CTNNA2: variants seen among roughly 807,000 people sequenced by gnomAD.
The protein encoded by CTNNA2 is catenin alpha-2.
A neutral mutation model predicts 101.0 loss-of-function variants in CTNNA2; 42 were observed. The ratio of observed to expected loss-of-function variants is 0.42; its 90% confidence interval spans 0.32 to 0.54. CTNNA2 has a LOEUF of 0.54. CTNNA2 is among the 20% of genes least tolerant of loss of function. The pLI, the probability that CTNNA2 is intolerant of heterozygous loss-of-function variation, is 0.14. For missense variants in CTNNA2, 871 were observed against 1,223.1 expected (o/e 0.71, Z 4.29); for synonymous variants, 450 against 456.4 (o/e 0.99, Z 0.18).
chr2:79,586,712 T>C (rs1236247191), intron 1 of CTNNA2, among the ~76,000 whole-genome samples: 1 of 152,098 alleles, frequency 6.6e-6, no homozygotes, highest in Non-Finnish European at 1.5e-5. Context: ...AGACAGGTGG[T>C]TTTTGTTACA....
intron 7 of CTNNA2, among the ~76,000 whole-genome samples, chr2:79,983,619 T>C (rs1347006224): frequency 6.6e-6 from 1 of 152,152 alleles, no homozygotes; most frequent in African/African-American, 2.4e-5. Context: ...TAGAGGCCAG[T>C]GCGTCTTGTG....
intron 7 of CTNNA2, among the ~76,000 whole-genome samples, chr2:80,081,567 A>G (rs906339684): frequency 5.9e-5 from 9 of 151,470 alleles, no homozygotes; most frequent in Middle Eastern, 3.2e-3. Context: ...ACTCCAATGA[A>G]CTTCAGCTTT....
At chr2:80,344,197 A>G (rs1404515478) in intron 7 of CTNNA2, among the ~76,000 whole-genome samples, 2 of 151,238 alleles carry the variant, frequency 1.3e-5, no homozygotes, top group African/African-American at 2.4e-5. Flanking sequence ...CAAGCTCCTG[A>G]TTTTCTCCTC....
chr2:79,891,576 C>T (rs904740429), intron 6 of CTNNA2, among the ~76,000 whole-genome samples: 4 of 152,096 alleles, frequency 2.6e-5, no homozygotes, highest in Non-Finnish European at 4.4e-5. Context: ...GAAGATAACG[C>T]GGTTATCTGC....
At chr2:80,200,807 T>A (rs1402918848) in intron 7 of CTNNA2, among the ~76,000 whole-genome samples, 2 of 151,870 alleles carry the variant, frequency 1.3e-5, no homozygotes, top group Non-Finnish European at 2.9e-5. Context: ...GTGCTGGGAT[T>A]ACAGGCATGA....
At chr2:79,760,379 G>A (rs1672709639) in intron 3 of CTNNA2, among the ~76,000 whole-genome samples, 1 of 152,016 alleles carries the variant, frequency 6.6e-6, no homozygotes, top group African/African-American at 2.4e-5. Flanking sequence ...ATATATGTGT[G>A]TATTTTAAGG....
chr2:79,705,818 G>C (rs1430435785), intron 2 of CTNNA2, among the ~76,000 whole-genome samples: 1 of 152,170 alleles, frequency 6.6e-6, no homozygotes, highest in African/African-American at 2.4e-5. Context: ...CACACTGCCT[G>C]TAACAGAGAT....
intron 9 of CTNNA2, among the ~76,000 whole-genome samples, chr2:80,544,758 C>T (rs1349968887): frequency 2.0e-5 from 3 of 152,120 alleles, no homozygotes; most frequent in African/African-American, 7.2e-5. Flanking sequence ...AAAACACAAC[C>T]TTGTATATGC....
rs1672077622 is a variant in CTNNA2, at chr2:79,751,985, TA to T, written c.298+7405del. Among the ~76,000 whole-genome samples, 6 of 152,220 alleles carry T rather than the reference TA, an allele frequency of 3.9e-5. No individual in the cohort carries two copies. The South Asian group carries it at 1.2e-3, about 32-fold the overall frequency. ...CTTTTTCAACTTACTGAAGGGGAGA[TA>T]AGAGCCAAAATTTGTTCTACATTTT... On this transcript the variant is annotated intron_variant, in intron 3 of 18. Transcript: ENST00000402739.
At chr2:80,380,100 G>A (rs889766284) in intron 7 of CTNNA2, among the ~76,000 whole-genome samples, 5 of 134,836 alleles carry the variant, frequency 3.7e-5, no homozygotes, top group East Asian at 2.3e-4. Context: ...GCAGTGGCAC[G>A]ATCTCGGCTC....
At chr2:79,826,386 C>T (rs1298405266) in intron 3 of CTNNA2, among the ~76,000 whole-genome samples, 1 of 152,206 alleles carries the variant, frequency 6.6e-6, no homozygotes, top group African/African-American at 2.4e-5. Context: ...AGTTATGTGG[C>T]TGGAGGGTAA....
chr2:79,396,760 C>T lies in CTNNA2; in HGVS notation c.-135+22747C>T, dbSNP rs139899453. 3.5e-3 allele frequency among the ~76,000 whole-genome samples: 533 copies of T among 152,232 alleles called. 4 individuals are homozygous for T. Among genetic ancestry groups the T allele is most frequent in the African/African-American group, 0.012 (499 of 41,544 alleles). On this transcript the variant is annotated intron_variant, in intron 4 of 21. Coordinates refer to the CTNNA2 transcript ENST00000466387. ...GCAAAACCCGGAGTTTAGGTTGATA[C>T]TTTTCTCCTCAATTAATAAATGGAG...
chr2:79,264,159 T>C (rs1207546719), intron 2 of CTNNA2, among the ~76,000 whole-genome samples: 1 of 152,134 alleles, frequency 6.6e-6, no homozygotes, highest in Non-Finnish European at 1.5e-5. Flanking sequence ...GTACCACTTG[T>C]GAGAGGCAGT....
chr2:80,007,578 C>T (rs1461019939), intron 7 of CTNNA2, among the ~76,000 whole-genome samples: 1 of 152,122 alleles, frequency 6.6e-6, no homozygotes, highest in Non-Finnish European at 1.5e-5. Flanking sequence ...AACAAGACCC[C>T]TTTCCCTGCC....
At chr2:79,624,688 T>C (rs1679198195) in intron 1 of CTNNA2, among the ~76,000 whole-genome samples, 1 of 152,178 alleles carries the variant, frequency 6.6e-6, no homozygotes, top group Admixed American at 6.5e-5. Context: ...GTGCTTTGAC[T>C]TCTGCACCAG....
chr2:79,388,805 T>C (rs992380773), intron 4 of CTNNA2, among the ~76,000 whole-genome samples: 4 of 152,176 alleles, frequency 2.6e-5, no homozygotes, highest in Non-Finnish European at 5.9e-5. Context: ...ATTTTTTTAT[T>C]ATTTTGCTAT....
chr2:80,283,171 GA>G (rs1324701261), intron 7 of CTNNA2, among the ~76,000 whole-genome samples: 9 of 152,188 alleles, frequency 5.9e-5, no homozygotes, highest in Admixed American at 3.9e-4. Context: ...GGGAGAAAAA[GA>G]GATGAGTTGT....
At chr2:79,686,034 A>C (rs1457188452) in intron 2 of CTNNA2, among the ~76,000 whole-genome samples, 5 of 152,126 alleles carry the variant, frequency 3.3e-5, no homozygotes, top group African/African-American at 1.2e-4. Flanking sequence ...AGTGAAGTCA[A>C]TCACCCAATA....
intron 7 of CTNNA2, among the ~76,000 whole-genome samples, chr2:79,944,085 G>A (rs1360018289): frequency 6.6e-6 from 1 of 152,026 alleles, no homozygotes; most frequent in Admixed American, 6.6e-5. Flanking sequence ...ATAACTTACA[G>A]GGAAATTAAC....
Sources: allele counts gnomAD v4.1 joint callset (sites outside exome capture counted in the v4.1 genomes callset), GRCh38; gene constraint gnomAD v4.1.1; transcripts MANE v1.5; gene names NCBI Gene and HGNC (gene_info 2026-07-23, HGNC 2026-07-21).